SALL3: variants seen among roughly 807,000 people sequenced by gnomAD.
SALL3 encodes the protein spalt like transcription factor 3.
SALL3 carries 25 observed loss-of-function variants against 66.2 expected under a neutral mutation model. That is an observed-to-expected ratio of 0.38 (90% CI 0.28 to 0.53). The LOEUF is 0.53. Ranked by LOEUF, SALL3 falls within the 20% of genes least tolerant of loss-of-function variation. The pLI is 0.85. For missense variants in SALL3, 2,194 were observed against 1,916.5 expected (o/e 1.14, Z -2.70); for synonymous variants, 1,152 against 899.1 (o/e 1.28, Z -5.03).
chr18:78,981,096 C>T (rs1914049783), intron 1 of SALL3, among the ~76,000 whole-genome samples: 1 of 152,228 alleles, frequency 6.6e-6, no homozygotes. Context: ...CTCGGCTTTG[C>T]AGTCATTTCG....
intron 1 of SALL3, among the ~76,000 whole-genome samples, chr18:78,988,956 T>C (rs1914338766): frequency 6.6e-6 from 1 of 152,176 alleles, no homozygotes; most frequent in African/African-American, 2.4e-5. Context: ...GTCTGTTTCC[T>C]TGGGCTCATT....
chr18:78,982,324 G>A (rs1223320509), intron 1 of SALL3, among the ~76,000 whole-genome samples: 1 of 152,196 alleles, frequency 6.6e-6, no homozygotes, highest in African/African-American at 2.4e-5. Flanking sequence ...TAGAATTGAA[G>A]TTCTTGTCAA....
At chr18:78,980,606 G>A (rs140107492) in intron 1 of SALL3, among the ~76,000 whole-genome samples, 6,893 of 151,834 alleles carry the variant, frequency 0.045, 233 homozygotes, top group South Asian at 0.1. Context: ...GGAGCTGCCC[G>A]CGAAGGGCGC....
intron 1 of SALL3, among the ~76,000 whole-genome samples, chr18:78,987,757 G>C (rs1330768496): frequency 6.6e-6 from 1 of 152,138 alleles, no homozygotes; most frequent in Non-Finnish European, 1.5e-5. Flanking sequence ...GCCCTGGCCA[G>C]ATACTCTCAT....
chr18:78,994,337 G>C lies in SALL3; in HGVS notation c.2346G>C (p.Glu782Asp), dbSNP rs775247490. Residue 782 changes from glutamate (E) to aspartate (D), a missense_variant, in exon 2 of 3, where the codon GAG becomes GAC. Physicochemically the swap from Glu to Asp is conservative, Grantham distance 45. Transcript: ENST00000537592. Reference sequence around the variant, plus strand: ...GCTTCCAGGATGCCATGGACTCCGAGCTGGCCTACGACGACAAGAACGCGG... The same window carrying C: ...GCTTCCAGGATGCCATGGACTCCGACCTGGCCTACGACGACAAGAACGCGG... ...PEGFQDAMDS[E>D]LAYDDKNAET... is the part of the protein sequence containing the mutation. 1 of 1,613,522 alleles carries C rather than the reference G, an allele frequency of 6.2e-7. No individual in the cohort carries two copies. Among genetic ancestry groups the C allele is most frequent in the South Asian group, 1.1e-5 (1 of 91,082 alleles).
intron 1 of SALL3, among the ~76,000 whole-genome samples, chr18:78,988,367 T>C (rs1364795088): frequency 6.6e-6 from 1 of 152,208 alleles, no homozygotes; most frequent in Non-Finnish European, 1.5e-5. Flanking sequence ...AATATATGCA[T>C]TTAATCATCA....
Position 78,996,883 on chromosome 18 carries a change from T to C in SALL3, c.3472-8T>C. 1 of 1,598,826 alleles carries C rather than the reference T, an allele frequency of 6.3e-7. No homozygotes were observed. Among genetic ancestry groups the C allele is most frequent in the East Asian group, 2.2e-5 (1 of 44,536 alleles). ...CTTACTCGTGGGCTGTCTCCGTGTC[T>C]CGCGCAGGTGCACATGGGGACACAC... On this transcript the variant is annotated splice_region_variant and splice_polypyrimidine_tract_variant and intron_variant, in intron 2 of 2. Transcript: ENST00000537592.
At chr18:78,995,889 C>T (rs976170514) in intron 2 of SALL3, among the ~76,000 whole-genome samples, 8 of 152,108 alleles carry the variant, frequency 5.3e-5, no homozygotes, top group African/African-American at 1.9e-4. Flanking sequence ...GGGCCTCTCC[C>T]GGGGAACACG....
In SALL3 at chr18:78,979,981, C is replaced by CGCCCCGGTCCCGAGGCGCCGCG. The variant is rs1913936196; in HGVS notation, c.-288_-267dup. ...ATGTGAGGCGGCGCCGGGCAGCGCG[C>CGCCCCGGTCCCGAGGCGCCGCG]GCCCCGGTCCCGAGGCGCCGCGGCC... On this transcript the variant is annotated 5_prime_UTR_variant, in exon 1 of 3. Coordinates refer to ENST00000537592, the MANE Select transcript of SALL3 (RefSeq NM_171999.4). Among the ~76,000 whole-genome samples the CGCCCCGGTCCCGAGGCGCCGCG allele has an allele frequency of 2.1e-5, 3 of 145,216 alleles. No homozygotes were observed. The highest frequency in any genetic ancestry group is 2.1e-4 in the South Asian group (1 of 4,786).
Position 78,994,457 on chromosome 18 carries a change from C to A in SALL3, c.2466C>A (p.Leu822=). Residue 822 remains leucine, a synonymous_variant, in exon 2 of 3, where the codon CTC becomes CTA. Transcript: ENST00000537592. ...KDAATDPAKP[L]LSYAGSCPPS... ...CGGCCACCGACCCGGCCAAGCCACTCCTGTCCTACGCGGGGTCCTGCCCGC... is the reference window on the plus strand; with the variant it reads ...CGGCCACCGACCCGGCCAAGCCACTACTGTCCTACGCGGGGTCCTGCCCGC... 6.2e-7 allele frequency: 1 copy of A among 1,612,688 alleles called. No individual in the cohort carries two copies. The highest frequency in any genetic ancestry group is 8.5e-7 in the Non-Finnish European group (1 of 1,179,866).
Position 78,992,276 on chromosome 18 carries a change from C to A in SALL3, c.285C>A (p.Pro95=). Residue 95 remains proline, a synonymous_variant, in exon 2 of 3, where the codon CCC becomes CCA. Coordinates refer to ENST00000537592, the MANE Select transcript of SALL3 (RefSeq NM_171999.4). ...CCGCGCCGCCCCCCGAGGACTTCCC[C>A]GAGCCTTCGCCCGCCAGCTCCCCCA... ...DAPAPPPEDF[P]EPSPASSPSE... 1.3e-6 allele frequency: 2 copies of A among 1,544,000 alleles called. No individual in the cohort carries two copies. Among genetic ancestry groups the A allele is most frequent in the South Asian group, 1.2e-5 (1 of 83,934 alleles).
In SALL3 at chr18:78,992,912, GCCCAGCGCGCCCGCCGCC is replaced by G. The variant is rs1315089155; in HGVS notation, c.930_947del (p.Pro311_Ala316del). On this transcript the variant is annotated inframe_deletion, in exon 2 of 3. Coordinates refer to ENST00000537592, the MANE Select transcript of SALL3 (RefSeq NM_171999.4). The stretch of plus-strand genomic sequence containing the variant: ...CCAGCACCCCCGGCGGCCCTGCGGA[GCCCAGCGCGCCCGCCGCC>G]CCCAGCGCCGCCCCTGCCCCCGCTG... The G allele has an allele frequency of 5.1e-6, 5 of 986,986 alleles. No homozygotes were observed. The African/African-American group carries it at 7.1e-5, about 14-fold the overall frequency. The allele number at this position is 986,986 out of a possible 1,614,324, so 61.1% of individuals were successfully genotyped here.
Position 78,993,469 on chromosome 18 carries a change from C to T in SALL3, c.1478C>T (p.Thr493Ile), listed in dbSNP as rs746198299. ...PVPEYLDNVP[T>I]CSGIPYGMSL... ...CCCGAGTACCTGGACAACGTGCCCACCTGCTCGGGCATCCCCTACGGCATG... is the reference window on the plus strand; with the variant it reads ...CCCGAGTACCTGGACAACGTGCCCATCTGCTCGGGCATCCCCTACGGCATG... The change falls in exon 2 of 3, where the codon ACC becomes ATC. Residue 493 changes from threonine (T) to isoleucine (I), a missense_variant. Physicochemically the swap from Thr to Ile is moderately conservative, Grantham distance 89 (BLOSUM62 -1). Coordinates refer to ENST00000537592, the MANE Select transcript of SALL3 (RefSeq NM_171999.4). The T allele has an allele frequency of 5.6e-6, 9 of 1,612,654 alleles. No homozygotes were observed. The Admixed American group carries it at 1.3e-4, about 24-fold the overall frequency.
chr18:78,992,960 C>T lies in SALL3; in HGVS notation c.969C>T (p.Pro323=), dbSNP rs1384421628. 1.7e-6 allele frequency: 2 copies of T among 1,181,682 alleles called. No individual in the cohort carries two copies. The highest frequency in any genetic ancestry group is 2.1e-6 in the Non-Finnish European group (2 of 956,784). The allele number at this position is 1,181,682 out of a possible 1,614,324, so 73.2% of individuals were successfully genotyped here. ...GCGCCGCCCCTGCCCCCGCTGCCCC[C>T]GCCCCGGCGCCAGCGCCGCAGAGCG... ...APSAAPAPAA[P]APAPAPQSAA... Residue 323 remains proline (P), a synonymous_variant, in exon 2 of 3, where the codon CCC becomes CCT. Coordinates refer to ENST00000537592, the MANE Select transcript of SALL3 (RefSeq NM_171999.4).
chr18:78,994,857 A>T lies in SALL3; in HGVS notation c.2866A>T (p.Ile956Phe). 6.2e-7 allele frequency: 1 copy of T among 1,604,230 alleles called. No homozygotes were observed. The highest frequency in any genetic ancestry group is 8.5e-7 in the Non-Finnish European group (1 of 1,175,572). ...GSGGAPGRAGIKEEAPFSLLF... is the reference protein window; with the variant it reads ...GSGGAPGRAGFKEEAPFSLLF... ...CGGAGGCGCCCCTGGCCGCGCGGGC[A>T]TCAAGGAGGAGGCGCCCTTCAGCCT... The change falls in exon 2 of 3, where the codon ATC becomes TTC. Residue 956 changes from isoleucine (I) to phenylalanine (F), a missense_variant. Physicochemically the swap from Ile to Phe is conservative, Grantham distance 21 (BLOSUM62 0). Coordinates refer to ENST00000537592, the MANE Select transcript of SALL3 (RefSeq NM_171999.4).
intron 1 of SALL3, among the ~76,000 whole-genome samples, chr18:78,984,591 T>G (rs1914177120): frequency 2.0e-5 from 3 of 152,046 alleles, no homozygotes; most frequent in Admixed American, 1.3e-4. Flanking sequence ...TATGTAAAAA[T>G]TGAGCAATTT....
At chr18:78,989,276 A>T (rs1568291465) in intron 1 of SALL3, among the ~76,000 whole-genome samples, 1 of 152,192 alleles carries the variant, frequency 6.6e-6, no homozygotes, top group Non-Finnish European at 1.5e-5. Flanking sequence ...GTGAACCCTA[A>T]AAATATTTAA....
intron 1 of SALL3, among the ~76,000 whole-genome samples, chr18:78,986,510 G>T (rs1914251075): frequency 1.3e-5 from 2 of 152,214 alleles, no homozygotes; most frequent in African/African-American, 4.8e-5. Context: ...GGCTCAGTAT[G>T]TGATAATTCA....
At chr18:78,980,797 A>T (rs1319611842) in intron 1 of SALL3, among the ~76,000 whole-genome samples, 1 of 151,978 alleles carries the variant, frequency 6.6e-6, no homozygotes, top group Non-Finnish European at 1.5e-5. Context: ...CCGCCCGGCC[A>T]GCTTTGTTCG....
Sources: allele counts gnomAD v4.1 joint callset (sites outside exome capture counted in the v4.1 genomes callset), GRCh38; gene constraint gnomAD v4.1.1; transcripts MANE v1.5; gene names NCBI Gene and HGNC (gene_info 2026-07-23, HGNC 2026-07-21).